Variants in CLSTN2 observed in about 807,000 individuals in gnomAD.
CLSTN2 encodes calsyntenin-2.
Under a neutral mutation model 101.2 loss-of-function variants are expected in CLSTN2, and 48 were observed. That is an observed-to-expected ratio of 0.47 (90% CI 0.38 to 0.60). CLSTN2 has a LOEUF of 0.60. Ranked by LOEUF, CLSTN2 falls within the 20% of genes least tolerant of loss-of-function variation. The probability of loss-of-function intolerance (pLI) is 0.00; values close to 1 mark genes in which losing one functional copy is unlikely to be tolerated. For synonymous variants in CLSTN2, 481 were observed against 463.6 expected (o/e 1.04, Z -0.48); for missense variants, 1,160 against 1,238.2 (o/e 0.94, Z 0.95).
At position 140,567,212 on chromosome 3, in the gene CLSTN2, G is replaced by C. The variant is rs1985299597; in HGVS notation, c.*959G>C. ...TAGGCTTCATGGTGGGTGGAGTGGG[G>C]GTGGCTGGGCTCCCCCAGGACAGAG... On this transcript the variant is annotated 3_prime_UTR_variant, in exon 17 of 17. Coordinates refer to ENST00000458420, the MANE Select transcript of CLSTN2 (RefSeq NM_022131.3). 1 of 152,308 alleles carries C rather than the reference G, an allele frequency of 6.6e-6. No individual in the cohort carries two copies. Among genetic ancestry groups the C allele is most frequent in the African/African-American group, 2.4e-5 (1 of 41,462 alleles). 9.4% of individuals were successfully genotyped at this position (152,308 alleles called of 1,614,324 possible). A position where few individuals can be genotyped will look rare whatever the true frequency, so the allele number is the denominator to read the frequency against.
At chr3:140,446,491 T>C (rs1328297207) in intron 5 of CLSTN2, among the ~76,000 whole-genome samples, 3 of 152,130 alleles carry the variant, frequency 2.0e-5, no homozygotes. Flanking sequence ...GTACCTGAAA[T>C]GTATCAAAGT....
At chr3:140,220,177 C>T (rs1004451521) in intron 2 of CLSTN2, among the ~76,000 whole-genome samples, 2 of 152,194 alleles carry the variant, frequency 1.3e-5, no homozygotes, top group African/African-American at 4.8e-5. Flanking sequence ...AGCACTAGTG[C>T]AAATTGGGCT....
intron 2 of CLSTN2, among the ~76,000 whole-genome samples, chr3:140,386,998 A>G (rs1413622774): frequency 6.6e-6 from 1 of 152,136 alleles, no homozygotes; most frequent in Non-Finnish European, 1.5e-5. Flanking sequence ...TCCTAAACTT[A>G]CTAAAATTTA....
chr3:139,976,467 C>T (rs1298716974), intron 1 of CLSTN2, among the ~76,000 whole-genome samples: 1 of 152,200 alleles, frequency 6.6e-6, no homozygotes, highest in African/African-American at 2.4e-5. Flanking sequence ...GTACTGTTCT[C>T]CTCAGTGCAC....
At chr3:140,536,852 G>T (rs1370565786) in intron 9 of CLSTN2, among the ~76,000 whole-genome samples, 1 of 152,182 alleles carries the variant, frequency 6.6e-6, no homozygotes, top group African/African-American at 2.4e-5. Flanking sequence ...GAACCAGAAA[G>T]AGTGGAATCT....
chr3:140,335,777 T>C (rs2087433824), intron 2 of CLSTN2, among the ~76,000 whole-genome samples: 1 of 152,220 alleles, frequency 6.6e-6, no homozygotes, highest in Non-Finnish European at 1.5e-5. Flanking sequence ...CCTGTAATTT[T>C]CGAGCCATGG....
At chr3:140,139,698 C>T (rs1005469593) in intron 1 of CLSTN2, among the ~76,000 whole-genome samples, 2 of 152,208 alleles carry the variant, frequency 1.3e-5, no homozygotes, top group Non-Finnish European at 1.5e-5. Flanking sequence ...CCGACTCTAC[C>T]AGTGTATATT....
At chr3:140,123,714 CT>C (rs1179670526) in intron 1 of CLSTN2, among the ~76,000 whole-genome samples, 10 of 152,088 alleles carry the variant, frequency 6.6e-5, no homozygotes, top group African/African-American at 2.4e-4. Flanking sequence ...GGTAAGGCCT[CT>C]CATCCTGGCC....
chr3:140,085,702 A>G (rs1051202053), intron 1 of CLSTN2, among the ~76,000 whole-genome samples: 1 of 152,052 alleles, frequency 6.6e-6, no homozygotes, highest in Non-Finnish European at 1.5e-5. Flanking sequence ...CCCTCTCTCC[A>G]TTGTTGGCCC....
chr3:140,364,010 A>C (rs906444277), intron 2 of CLSTN2, among the ~76,000 whole-genome samples: 3 of 152,228 alleles, frequency 2.0e-5, no homozygotes, highest in African/African-American at 4.8e-5. Flanking sequence ...TGTGGCCAGC[A>C]CACACTCCCT....
chr3:140,376,638 G>A (rs1276671626), intron 2 of CLSTN2, among the ~76,000 whole-genome samples: 1 of 152,182 alleles, frequency 6.6e-6, no homozygotes, highest in Non-Finnish European at 1.5e-5. Context: ...ACAACATGTT[G>A]CATAGGGTTC....
chr3:140,077,618 G>A (rs1438394145), intron 1 of CLSTN2, among the ~76,000 whole-genome samples: 1 of 152,030 alleles, frequency 6.6e-6, no homozygotes, highest in African/African-American at 2.4e-5. Context: ...ACACTGCTGA[G>A]GCTTGCCTAC....
At chr3:140,518,253 G>A (rs996057020) in intron 8 of CLSTN2, among the ~76,000 whole-genome samples, 1 of 152,206 alleles carries the variant, frequency 6.6e-6, no homozygotes, top group Non-Finnish European at 1.5e-5. Flanking sequence ...AGGGCTTTCA[G>A]GATTTATGCC....
chr3:140,075,688 AGTT>A (rs745968248), intron 1 of CLSTN2, among the ~76,000 whole-genome samples: 13 of 152,084 alleles, frequency 8.5e-5, no homozygotes, highest in Non-Finnish European at 1.3e-4. Context: ...ATTATGTGTG[AGTT>A]GTTGTTGGGA....
chr3:139,993,696 A>T (rs915684608), intron 1 of CLSTN2, among the ~76,000 whole-genome samples: 2 of 152,214 alleles, frequency 1.3e-5, no homozygotes, highest in African/African-American at 4.8e-5. Context: ...GGTCCCAAAC[A>T]GTGGCTTTGT....
intron 1 of CLSTN2, among the ~76,000 whole-genome samples, chr3:140,141,272 G>A (rs115755824): frequency 0.083 from 12,605 of 152,152 alleles, 1,741 homozygotes; most frequent in African/African-American, 0.29. Context: ...ATGACTACTG[G>A]GATGTATACA....
chr3:140,171,795 T>C (rs1328571395), intron 1 of CLSTN2, among the ~76,000 whole-genome samples: 1 of 101,560 alleles, frequency 9.8e-6, no homozygotes, highest in Non-Finnish European at 1.8e-5. Flanking sequence ...ATATATAATA[T>C]ATAATATGTA....
At chr3:140,328,763 A>G (rs2087354396) in intron 2 of CLSTN2, among the ~76,000 whole-genome samples, 2 of 152,164 alleles carry the variant, frequency 1.3e-5, no homozygotes, top group South Asian at 4.1e-4. Flanking sequence ...TCAGTTTCCT[A>G]ACATTTAAAA....
intron 1 of CLSTN2, among the ~76,000 whole-genome samples, chr3:139,988,116 G>T (rs1331962745): frequency 6.6e-6 from 1 of 152,166 alleles, no homozygotes; most frequent in Non-Finnish European, 1.5e-5. Context: ...TGGGACCTGG[G>T]GGCATTTGCT....
Sources: allele counts gnomAD v4.1 joint callset (sites outside exome capture counted in the v4.1 genomes callset), GRCh38; gene constraint gnomAD v4.1.1; transcripts MANE v1.5; gene names NCBI Gene and HGNC (gene_info 2026-07-23, HGNC 2026-07-21).